Variants in KLRG1 observed in about 807,000 individuals in gnomAD.
KLRG1 encodes the protein killer cell lectin-like receptor subfamily G member 1.
Under a neutral mutation model 21.8 loss-of-function variants are expected in KLRG1, and 16 were observed. That is an observed-to-expected ratio of 0.73 (90% CI 0.50 to 1.11). KLRG1 has a LOEUF of 1.11. Ranked by LOEUF, KLRG1 falls within the 50% of genes most tolerant of loss-of-function variation. The probability of loss-of-function intolerance (pLI) is 0.00; values close to 1 mark genes in which losing one functional copy is unlikely to be tolerated. For missense variants in KLRG1, 173 were observed against 218.3 expected (o/e 0.79, Z 1.31); for synonymous variants, 69 against 75.9 (o/e 0.91, Z 0.47).
intron 3 of KLRG1, among the ~76,000 whole-genome samples, chr12:8,997,207 A>G: frequency 6.6e-6 from 1 of 152,140 alleles, no homozygotes; most frequent in Admixed American, 6.5e-5. Context: ...TTTTCTCCTA[A>G]GGCTCCTTGG....
At chr12:9,068,811 G>T in the KLRG1 span, 1 of 1,606,918 alleles carries the variant, frequency 6.2e-7, no homozygotes, top group East Asian at 2.2e-5. Flanking sequence ...TTGCAGAACC[G>T]TGAAGAACAA....
At chr12:8,971,906 C>T (rs1230517739) in intron 1 of KLRG1, among the ~76,000 whole-genome samples, 1 of 152,192 alleles carries the variant, frequency 6.6e-6, no homozygotes, top group Non-Finnish European at 1.5e-5. Context: ...TGGATATTAA[C>T]CCCTTATCAG....
At chr12:9,095,101 C>T in the KLRG1 span, 1 of 1,298,174 alleles carries the variant, frequency 7.7e-7, no homozygotes, top group Non-Finnish European at 1.1e-6. Flanking sequence ...AGAAAATTAT[C>T]ATCTAATCAG....
the KLRG1 span, among the ~76,000 whole-genome samples, chr12:9,050,627 G>C: frequency 2.0e-5 from 3 of 152,186 alleles, no homozygotes; most frequent in Non-Finnish European, 4.4e-5. Flanking sequence ...GCTCCCGGAG[G>C]GGGCCGGGAG....
At chr12:9,087,482 G>C in the KLRG1 span, among the ~76,000 whole-genome samples, 2 of 152,146 alleles carry the variant, frequency 1.3e-5, no homozygotes, top group Non-Finnish European at 2.9e-5. Context: ...GCAGAGAGTA[G>C]AATGGTGGTT....
chr12:8,981,836 A>C (rs1052621391), intron 1 of KLRG1, among the ~76,000 whole-genome samples: 1 of 152,186 alleles, frequency 6.6e-6, no homozygotes, highest in Non-Finnish European at 1.5e-5. Flanking sequence ...GGTTTTTAAA[A>C]TATCCAACTA....
At chr12:9,159,504 A>T in the KLRG1 span, among the ~76,000 whole-genome samples, 2 of 151,984 alleles carry the variant, frequency 1.3e-5, no homozygotes, top group Non-Finnish European at 2.9e-5. Flanking sequence ...TTAAGAGGTG[A>T]TTGGCTCATG....
chr12:9,035,135 C>A, the KLRG1 span, among the ~76,000 whole-genome samples: 2 of 151,992 alleles, frequency 1.3e-5, no homozygotes, highest in African/African-American at 4.8e-5. Flanking sequence ...TGCGTTCATA[C>A]AAAAAAGTGT....
At chr12:9,162,661 G>A in the KLRG1 span, 1 of 1,572,926 alleles carries the variant, frequency 6.4e-7, no homozygotes, top group Non-Finnish European at 8.7e-7. Flanking sequence ...TGGATGAAAG[G>A]AAAGAAAAGG....
At chr12:9,131,804 C>A in the KLRG1 span, among the ~76,000 whole-genome samples, 1 of 151,562 alleles carries the variant, frequency 6.6e-6, no homozygotes, top group East Asian at 1.9e-4. Flanking sequence ...ATACACATTT[C>A]TAAATTTCTA....
At chr12:9,092,161 AGTAAGGGCACTTCCCAT>A in the KLRG1 span, among the ~76,000 whole-genome samples, 1 of 152,178 alleles carries the variant, frequency 6.6e-6, no homozygotes, top group African/African-American at 2.4e-5. Context: ...GCTGAAAAGC[AGTAAGGGCACTTCCCAT>A]GCCTCCTTCC....
chr12:9,098,682 C>T, the KLRG1 span: 1 of 1,611,950 alleles, frequency 6.2e-7, no homozygotes. Flanking sequence ...CGCAGACGGA[C>T]TGAGGAGCCG....
At chr12:9,069,252 A>G in the KLRG1 span, among the ~76,000 whole-genome samples, 2 of 152,216 alleles carry the variant, frequency 1.3e-5, no homozygotes, top group Admixed American at 6.5e-5. Context: ...TTTGTAAACT[A>G]TAATTCCCAT....
chr12:8,980,112 G>A (rs1044071385), intron 1 of KLRG1, among the ~76,000 whole-genome samples: 1 of 152,130 alleles, frequency 6.6e-6, no homozygotes, highest in African/African-American at 2.4e-5. Context: ...TGTTAGCCAG[G>A]CTGGTCTCAA....
At chr12:9,209,849 C>T in the KLRG1 span, among the ~76,000 whole-genome samples, 1 of 151,970 alleles carries the variant, frequency 6.6e-6, no homozygotes, top group African/African-American at 2.4e-5. Flanking sequence ...TATGTCATCA[C>T]TATTATGGTT....
the KLRG1 span, chr12:9,115,845 C>G: frequency 6.2e-7 from 1 of 1,612,786 alleles, no homozygotes; most frequent in Non-Finnish European, 8.5e-7. Context: ...TTTGTTCTTC[C>G]CCATGTTGCA....
intron 1 of KLRG1, among the ~76,000 whole-genome samples, chr12:8,958,467 A>G (rs1055530371): frequency 7.2e-5 from 11 of 152,224 alleles, no homozygotes; most frequent in Non-Finnish European, 1.2e-4. Flanking sequence ...GAAAGGTATT[A>G]TAAGTCTTTC....
intron 1 of KLRG1, among the ~76,000 whole-genome samples, chr12:8,957,031 G>C (rs1946306664): frequency 6.6e-6 from 1 of 152,202 alleles, no homozygotes; most frequent in South Asian, 2.1e-4. Flanking sequence ...AGTGAATCTT[G>C]ATCTTGAGCA....
the KLRG1 span, among the ~76,000 whole-genome samples, chr12:9,021,110 C>A: frequency 1.3e-5 from 2 of 152,038 alleles, no homozygotes; most frequent in South Asian, 2.1e-4. Flanking sequence ...AAATGGTACA[C>A]CTGCATATGA....
Sources: allele counts gnomAD v4.1 joint callset (sites outside exome capture counted in the v4.1 genomes callset), GRCh38; gene constraint gnomAD v4.1.1; transcripts MANE v1.5; gene names NCBI Gene and HGNC (gene_info 2026-07-23, HGNC 2026-07-21).